Variants in ABCA5 observed in about 807,000 individuals in gnomAD.
ABCA5 encodes the protein ATP binding cassette subfamily A member 5.
ABCA5 carries 163 observed loss-of-function variants against 206.0 expected under a neutral mutation model. The ratio of observed to expected loss-of-function variants is 0.79; its 90% confidence interval spans 0.70 to 0.90. ABCA5 has a LOEUF of 0.90. ABCA5 is among the 40% of genes least tolerant of loss of function. The probability of loss-of-function intolerance (pLI) is 0.00; values close to 1 mark genes in which losing one functional copy is unlikely to be tolerated. For missense variants in ABCA5, 1,859 were observed against 1,912.9 expected (o/e 0.97, Z 0.53); for synonymous variants, 609 against 613.8 (o/e 0.99, Z 0.11).
At chr17:69,269,464 C>T (rs1043485192) in intron 22 of ABCA5, among the ~76,000 whole-genome samples, 19 of 152,162 alleles carry the variant, frequency 1.2e-4, no homozygotes, top group Admixed American at 1.2e-3. Context: ...GAAAATGATG[C>T]AACCATTTTG....
At chr17:69,291,909 T>C (rs1598183962) in intron 11 of ABCA5, among the ~76,000 whole-genome samples, 2 of 152,034 alleles carry the variant, frequency 1.3e-5, no homozygotes, top group Admixed American at 6.6e-5. Flanking sequence ...GCCCAGGAGT[T>C]CGAGACTAGC....
At chr17:69,272,748 C>T (rs2076607928) in intron 20 of ABCA5, among the ~76,000 whole-genome samples, 1 of 152,132 alleles carries the variant, frequency 6.6e-6, no homozygotes, top group Admixed American at 6.5e-5. Flanking sequence ...CATGTTCTCA[C>T]TCATTTATCC....
intron 3 of ABCA5, among the ~76,000 whole-genome samples, chr17:69,310,463 T>C (rs533444398): frequency 2.4e-4 from 37 of 152,292 alleles, no homozygotes; most frequent in African/African-American, 5.5e-4. Flanking sequence ...TTAGTAAATA[T>C]ATGAATTTTT....
At chr17:69,277,502 A>G (rs1201903891) in intron 19 of ABCA5, 139 bp downstream of exon 19, 5 of 632,156 alleles carry the variant, frequency 7.9e-6, no homozygotes, top group East Asian at 3.3e-5. Context: ...TTTCTCTAAC[A>G]TTGTGAAATT....
chr17:69,298,114 AG>A (rs2075602489), intron 9 of ABCA5, among the ~76,000 whole-genome samples: 1 of 152,118 alleles, frequency 6.6e-6, no homozygotes, highest in Admixed American at 6.6e-5. Flanking sequence ...TGAGCCCAGG[AG>A]GCTGAGCCTG....
intron 6 of ABCA5, 33 bp downstream of exon 6, chr17:69,306,690 TAA>T: frequency 9.7e-7 from 1 of 1,034,486 alleles, no homozygotes. Context: ...ATACAATTTT[TAA>T]TTATATTAAG....
Position 69,304,809 on chromosome 17 carries a change from G to A in ABCA5, c.790C>T (p.Leu264Phe), listed in dbSNP as rs1401167778. 1 of 1,586,700 alleles carries A rather than the reference G, an allele frequency of 6.3e-7. No homozygotes were observed. Among genetic ancestry groups the A allele is most frequent in the South Asian group, 1.2e-5 (1 of 85,488 alleles). ...IMGLHDTAFW[L>F]SWVLLYTSLI... ...CTTGTATATAGAAGAACCCAGGAAAGCCTAAAATGAGAATACAGATATAGT... is the reference window on the plus strand; with the variant it reads ...CTTGTATATAGAAGAACCCAGGAAAACCTAAAATGAGAATACAGATATAGT... Residue 264 changes from leucine to phenylalanine, a missense_variant and splice_region_variant, in exon 7 of 39, where the codon CTT becomes TTT. Transcript: ENST00000392676.
At chr17:69,302,089 A>G (rs2075658283) in intron 8 of ABCA5, among the ~76,000 whole-genome samples, 1 of 152,196 alleles carries the variant, frequency 6.6e-6, no homozygotes. Flanking sequence ...TCCAACCAAC[A>G]TGAGTAATTT....
rs544087978 is a variant in ABCA5, at chr17:69,298,216, G to A, written c.1268-857C>T. 3.2e-5 allele frequency among the ~76,000 whole-genome samples: 3 copies of A among 94,756 alleles called. No homozygotes were observed. The East Asian group carries it at 8.1e-4, about 26-fold the overall frequency. 62.2% of individuals were successfully genotyped at this position (94,756 alleles called of 152,430 possible). A position where few individuals can be genotyped will look rare whatever the true frequency, so the allele number is the denominator to read the frequency against. ...AGACACAGCAAAACCCTGTCGGAAGGAAGGAAGGTAGGTAGGAAGGAAGGA... is the reference window on the plus strand; with the variant it reads ...AGACACAGCAAAACCCTGTCGGAAGAAAGGAAGGTAGGTAGGAAGGAAGGA... On this transcript the variant is annotated intron_variant, in intron 9 of 38. Transcript: ENST00000392676.
intron 23 of ABCA5, among the ~76,000 whole-genome samples, chr17:69,265,360 A>G (rs2075196593): frequency 6.6e-6 from 1 of 152,098 alleles, no homozygotes; most frequent in Non-Finnish European, 1.5e-5. Context: ...TATCCTTTGG[A>G]TTTACATAAG....
Position 69,255,870 on chromosome 17 carries a change from T to C in ABCA5, c.3859-20A>G. The C allele has an allele frequency of 6.6e-7, 1 of 1,513,848 alleles. No homozygotes were observed. Among genetic ancestry groups the C allele is most frequent in the Non-Finnish European group, 8.9e-7 (1 of 1,120,284 alleles). The allele number at this position is 1,513,848 out of a possible 1,614,324, so 93.8% of individuals were successfully genotyped here. A position where few individuals can be genotyped will look rare whatever the true frequency, so the allele number is the denominator to read the frequency against. On this transcript the variant is annotated intron_variant, in intron 29 of 38. Coordinates refer to ENST00000392676, the MANE Select transcript of ABCA5 (RefSeq NM_172232.4). ...TGGTTTCTAATAAGAAAAATTGTAT[T>C]TAAAAAGAAAGTTATAAAACTTATC...
rs1293352401 is a variant in ABCA5, at chr17:69,260,382, C to A, written c.3595G>T (p.Asp1199Tyr). 2 of 1,607,948 alleles carry A rather than the reference C, an allele frequency of 1.2e-6. No individual in the cohort carries two copies. Among genetic ancestry groups the A allele is most frequent in the Admixed American group, 3.4e-5 (2 of 59,514 alleles). Residue 1199 changes from aspartate (D) to tyrosine (Y), a missense_variant, in exon 27 of 39, where the codon GAC becomes TAC. By Grantham distance (160) the Asp-to-Tyr change is radical (BLOSUM62 -3). Coordinates refer to ENST00000392676, the MANE Select transcript of ABCA5 (RefSeq NM_172232.4). ...AGCCTATCCCATGGATTATAGGTGT[C>A]CACATTTTTTCGTACATTCTTCCAA... ...ISWKNVRKNVDTYNPWDRLSV... is the reference protein window; with the variant it reads ...ISWKNVRKNVYTYNPWDRLSV...
At chr17:69,322,363 C>CAGA (rs1305587312) in intron 1 of ABCA5, among the ~76,000 whole-genome samples, 2 of 52,390 alleles carry the variant, frequency 3.8e-5, no homozygotes, top group Non-Finnish European at 6.5e-5. Context: ...GATTCCGTCT[C>CAGA]AAAAAAAAAA....
chr17:69,268,074 A>T lies in ABCA5; in HGVS notation c.3031-18T>A. 8.6e-7 allele frequency: 1 copy of T among 1,167,460 alleles called. No individual in the cohort carries two copies. The highest frequency in any genetic ancestry group is 2.4e-5 in the East Asian group (1 of 42,552). 72.3% of individuals were successfully genotyped at this position (1,167,460 alleles called of 1,614,324 possible). On this transcript the variant is annotated intron_variant, in intron 22 of 38. Coordinates refer to ENST00000392676, the MANE Select transcript of ABCA5 (RefSeq NM_172232.4). ...GTAATTTCCTGAAAGACAACCACAG[A>T]GTAACAAATGGAACTGAGAATCATT...
At position 69,306,642 on chromosome 17, in the gene ABCA5, A is replaced by T. The variant is rs375919097; in HGVS notation, c.788+83T>A. ...GGATAAGCACATCATCAAGTTAGGT[A>T]AATATCAAAATTACAATTTTGAAAA... On this transcript the variant is annotated intron_variant, in intron 6 of 38. Transcript: ENST00000392676. 3 of 643,264 alleles carry T rather than the reference A, an allele frequency of 4.7e-6. No individual in the cohort carries two copies. In the East Asian group the frequency reaches 1.2e-4, roughly 25 times the overall value. The allele number at this position is 643,264 out of a possible 1,614,324, so 39.8% of individuals were successfully genotyped here.
At chr17:69,272,855 T>C (rs372371692) in intron 20 of ABCA5, among the ~76,000 whole-genome samples, 13 of 152,324 alleles carry the variant, frequency 8.5e-5, no homozygotes, top group African/African-American at 2.6e-4. Context: ...TTTATAATCA[T>C]TCCTAGCCAT....
chr17:69,318,245 C>A (rs1038494845), intron 1 of ABCA5, among the ~76,000 whole-genome samples: 1 of 152,036 alleles, frequency 6.6e-6, no homozygotes, highest in Non-Finnish European at 1.5e-5. Flanking sequence ...CAGGCGCCTG[C>A]CACCATGCTC....
intron 18 of ABCA5, among the ~76,000 whole-genome samples, chr17:69,280,823 G>C (rs1478333332): frequency 6.6e-6 from 1 of 152,028 alleles, no homozygotes; most frequent in African/African-American, 2.4e-5. Context: ...TCATAGGTGG[G>C]AACTGAACAA....
At chr17:69,281,765 T>C (rs2075396319) in intron 18 of ABCA5, among the ~76,000 whole-genome samples, 1 of 152,186 alleles carries the variant, frequency 6.6e-6, no homozygotes, top group Admixed American at 6.5e-5. Context: ...AATAATTAAA[T>C]TCTAGTAATA....
Sources: allele counts gnomAD v4.1 joint callset (sites outside exome capture counted in the v4.1 genomes callset), GRCh38; gene constraint gnomAD v4.1.1; transcripts MANE v1.5; gene names NCBI Gene and HGNC (gene_info 2026-07-23, HGNC 2026-07-21).